GRID2: variants seen among roughly 807,000 people sequenced by gnomAD.
The protein encoded by GRID2 is glutamate ionotropic receptor delta type subunit 2, also known as glutamate receptor ionotropic, delta-2.
Under a neutral mutation model 114.8 loss-of-function variants are expected in GRID2, and 33 were observed. The ratio of observed to expected loss-of-function variants is 0.29; its 90% CI spans 0.22 to 0.38. GRID2 has a LOEUF of 0.38. GRID2 is among the 10% of genes least tolerant of loss of function. GRID2 has a pLI of 1.00. For synonymous variants in GRID2, 505 were observed against 449.9 expected, an observed-to-expected ratio of 1.12 and a Z score of -1.55; for missense variants, 1,184 against 1,257.7, an observed-to-expected ratio of 0.94 and a Z score of 0.89.
intron 9 of GRID2, among the ~76,000 whole-genome samples, chr4:93,412,525 A>G (rs886205331): frequency 1.3e-5 from 2 of 152,196 alleles, no homozygotes; most frequent in African/African-American, 4.8e-5. Flanking sequence ...GATTATTTAG[A>G]TGTACAATTA....
intron 14 of GRID2, among the ~76,000 whole-genome samples, chr4:93,732,826 C>T (rs1730603580): frequency 6.6e-6 from 1 of 152,008 alleles, no homozygotes; most frequent in Admixed American, 6.6e-5. Context: ...TACAAATGTC[C>T]TTTCCTTACC....
chr4:92,781,509 G>T (rs961193858), intron 2 of GRID2, among the ~76,000 whole-genome samples: 4 of 151,862 alleles, frequency 2.6e-5, no homozygotes, highest in African/African-American at 4.8e-5. Context: ...GATAAAATAC[G>T]CATTAATCTT....
In GRID2 at chr4:93,490,695, C is replaced by A. The variant is rs1308285700; in HGVS notation, c.1915C>A (p.Leu639Ile). ...ATRMMMGAWW[L>I]FALIVISSYT... ...CCGAATGATGATGGGGGCTTGGTGGCTATTTGCTTTGATTGTTATCTCATC... is the reference window on the plus strand; with the variant it reads ...CCGAATGATGATGGGGGCTTGGTGGATATTTGCTTTGATTGTTATCTCATC... The change falls in exon 12 of 16, where the codon CTA becomes ATA. Residue 639 changes from leucine to isoleucine, a missense_variant. Coordinates refer to ENST00000282020, the MANE Select transcript of GRID2 (RefSeq NM_001510.4). 6.2e-7 allele frequency: 1 copy of A among 1,609,788 alleles called. No individual in the cohort carries two copies.
At chr4:92,975,705 A>G (rs956649026) in intron 2 of GRID2, among the ~76,000 whole-genome samples, 12 of 152,160 alleles carry the variant, frequency 7.9e-5, no homozygotes, top group Non-Finnish European at 1.5e-4. Flanking sequence ...AAGTTTTACA[A>G]CTTATCATAG....
chr4:92,826,514 G>C (rs1235443495), intron 2 of GRID2, among the ~76,000 whole-genome samples: 1 of 151,966 alleles, frequency 6.6e-6, no homozygotes, highest in East Asian at 1.9e-4. Flanking sequence ...TGGAGTGTAA[G>C]TTCCAAAAAG....
chr4:93,272,587 A>G (rs760807741), intron 8 of GRID2, among the ~76,000 whole-genome samples: 10 of 152,174 alleles, frequency 6.6e-5, no homozygotes, highest in Admixed American at 3.9e-4. Context: ...ACTATGAACT[A>G]TTCACCGTGA....
chr4:93,533,456 C>T (rs892031356), intron 13 of GRID2, among the ~76,000 whole-genome samples: 1 of 150,936 alleles, frequency 6.6e-6, no homozygotes, highest in Non-Finnish European at 1.5e-5. Flanking sequence ...TCACTGCAAC[C>T]TCTGCCTCCT....
At chr4:92,311,863 C>T (rs1411895344) in intron 1 of GRID2, among the ~76,000 whole-genome samples, 1 of 151,832 alleles carries the variant, frequency 6.6e-6, no homozygotes, top group Non-Finnish European at 1.5e-5. Flanking sequence ...AATGTTGAAC[C>T]AACAAGCTAT....
chr4:93,428,267 G>GA (rs761943316), intron 10 of GRID2, among the ~76,000 whole-genome samples: 58 of 152,086 alleles, frequency 3.8e-4, no homozygotes, highest in Middle Eastern at 6.8e-3. Flanking sequence ...AATTTGTTTG[G>GA]AAAAGATTTC....
chr4:93,015,272 G>A (rs1010220702), intron 2 of GRID2, among the ~76,000 whole-genome samples: 5 of 152,080 alleles, frequency 3.3e-5, no homozygotes, highest in African/African-American at 1.2e-4. Flanking sequence ...TAAAGAAGGG[G>A]AAAATGGAAA....
intron 2 of GRID2, among the ~76,000 whole-genome samples, chr4:92,682,324 A>C (rs1475522614): frequency 6.6e-6 from 1 of 152,142 alleles, no homozygotes; most frequent in Non-Finnish European, 1.5e-5. Flanking sequence ...TGAGTCCCAA[A>C]GTGCAAGTGT....
At chr4:93,335,687 C>CTTTTTTT (rs556098287) in intron 8 of GRID2, among the ~76,000 whole-genome samples, 1 of 118,080 alleles carries the variant, frequency 8.5e-6, no homozygotes, top group African/African-American at 3.8e-5. Flanking sequence ...CTCTTTCTTT[C>CTTTTTTT]TTCTTTCTTT....
chr4:92,905,257 G>C (rs543371986), intron 2 of GRID2, among the ~76,000 whole-genome samples: 39 of 151,414 alleles, frequency 2.6e-4, no homozygotes, highest in African/African-American at 9.2e-4. Flanking sequence ...AGACAGAAAT[G>C]GGGACTGAAT....
At chr4:92,693,792 C>T (rs556309776) in intron 2 of GRID2, among the ~76,000 whole-genome samples, 8 of 152,106 alleles carry the variant, frequency 5.3e-5, no homozygotes, top group Admixed American at 5.2e-4. Context: ...TTATTAAATG[C>T]TTACTATGTT....
intron 14 of GRID2, among the ~76,000 whole-genome samples, chr4:93,763,782 A>G (rs1733407563): frequency 6.6e-6 from 1 of 152,224 alleles, no homozygotes; most frequent in Non-Finnish European, 1.5e-5. Flanking sequence ...GAGGAGAAAC[A>G]GACGGGGAAG....
chr4:92,577,355 T>C (rs1434640541), intron 1 of GRID2, among the ~76,000 whole-genome samples: 1 of 152,118 alleles, frequency 6.6e-6, no homozygotes, highest in African/African-American at 2.4e-5. Flanking sequence ...TTAAGAAAAA[T>C]GAGATTGAGT....
intron 1 of GRID2, among the ~76,000 whole-genome samples, chr4:92,362,791 T>C (rs947044275): frequency 2.0e-5 from 3 of 152,132 alleles, no homozygotes; most frequent in Admixed American, 1.3e-4. Context: ...TTTGAGGTAA[T>C]TATGAAGTGA....
intron 14 of GRID2, among the ~76,000 whole-genome samples, chr4:93,655,717 A>G (rs940369829): frequency 6.6e-6 from 1 of 152,136 alleles, no homozygotes; most frequent in Non-Finnish European, 1.5e-5. Context: ...GGAAAGCTTT[A>G]GGAAGTTTAA....
intron 7 of GRID2, among the ~76,000 whole-genome samples, chr4:93,230,795 A>G (rs1448094589): frequency 6.6e-5 from 10 of 152,136 alleles, no homozygotes; most frequent in Admixed American, 1.3e-4. Flanking sequence ...TCATGGGAAT[A>G]AACACCCTCA....
Sources: gnomAD v4.1 joint callset for allele counts (sites outside exome capture counted in the v4.1 genomes callset) on GRCh38, gnomAD v4.1.1 for gene constraint, MANE v1.5 for transcripts, NCBI Gene and HGNC (gene_info 2026-07-23, HGNC 2026-07-21) for gene names.